Variants in CEPT1 observed in about 807,000 individuals in gnomAD.
The protein encoded by CEPT1 is choline/ethanolamine phosphotransferase 1.
Under a neutral mutation model 42.6 loss-of-function variants are expected in CEPT1, and 7 were observed. The observed-to-expected ratio is 0.16, with a 90% CI of 0.09 to 0.31. The LOEUF (loss-of-function observed/expected upper bound fraction) is 0.31, where lower values mean the gene tolerates loss of function less well. CEPT1 is among the 10% of genes least tolerant of loss of function. CEPT1 has a pLI of 1.00. For missense variants in CEPT1, 306 were observed against 502.1 expected, an observed-to-expected ratio of 0.61 and a Z score of 3.73; for synonymous variants, 171 against 171.9, an observed-to-expected ratio of 0.99 and a Z score of 0.04.
At chr1:111,154,554 G>C (rs576740826) in intron 2 of CEPT1, among the ~76,000 whole-genome samples, 1 of 152,168 alleles carries the variant, frequency 6.6e-6, no homozygotes, top group Non-Finnish European at 1.5e-5. Flanking sequence ...GGGCATCCTT[G>C]TCTGGTTCTA....
intron 3 of CEPT1, 27 bp downstream of exon 3, chr1:111,159,554 G>A: frequency 6.3e-7 from 1 of 1,580,810 alleles, no homozygotes; most frequent in Non-Finnish European, 8.6e-7. Flanking sequence ...TAATGTTATT[G>A]ATTATTAACA....
chr1:111,169,711 C>T (rs550683832), intron 4 of CEPT1, among the ~76,000 whole-genome samples: 6 of 151,774 alleles, frequency 4.0e-5, no homozygotes, highest in Non-Finnish European at 5.9e-5. Context: ...TATGAAGTTT[C>T]GAAAAAAACT....
At chr1:111,175,471 C>G (rs1265476549) in intron 5 of CEPT1, among the ~76,000 whole-genome samples, 5 of 152,068 alleles carry the variant, frequency 3.3e-5, no homozygotes, top group Non-Finnish European at 7.4e-5. Flanking sequence ...GTCACTCTTA[C>G]AAACACAGAT....
intron 2 of CEPT1, among the ~76,000 whole-genome samples, chr1:111,152,390 C>A (rs572392730): frequency 6.6e-6 from 1 of 152,030 alleles, no homozygotes; most frequent in African/African-American, 2.4e-5. Context: ...AAAGTAAAAT[C>A]TTCCCTTTTT....
At chr1:111,156,552 A>G (rs1413285227) in intron 2 of CEPT1, among the ~76,000 whole-genome samples, 2 of 152,152 alleles carry the variant, frequency 1.3e-5, no homozygotes, top group Admixed American at 1.3e-4. Flanking sequence ...TAAAACACTA[A>G]CGATAGCTGA....
intron 2 of CEPT1, among the ~76,000 whole-genome samples, chr1:111,159,020 TCTC>T (rs1655731164): frequency 6.9e-6 from 1 of 144,572 alleles, no homozygotes; most frequent in East Asian, 2.1e-4. Flanking sequence ...TTCACGCCAT[TCTC>T]CTGCCTCAGC....
intron 5 of CEPT1, among the ~76,000 whole-genome samples, chr1:111,175,896 CAAAG>C (rs1656654389): frequency 6.6e-6 from 1 of 152,036 alleles, no homozygotes; most frequent in Non-Finnish European, 1.5e-5. Flanking sequence ...GAAATCTTAA[CAAAG>C]AAAAGATTTA....
chr1:111,175,583 T>TTAATCATG (rs1362431602), intron 5 of CEPT1, among the ~76,000 whole-genome samples: 2 of 152,230 alleles, frequency 1.3e-5, no homozygotes, highest in Admixed American at 6.5e-5. Flanking sequence ...CATGGCCTAC[T>TTAATCATG]GTGTGAACTT....
intron 2 of CEPT1, among the ~76,000 whole-genome samples, chr1:111,158,858 G>A (rs940088661): frequency 6.9e-6 from 1 of 144,608 alleles, no homozygotes. Flanking sequence ...TCTAGCATCT[G>A]CCTGAACACC....
At chr1:111,163,883 T>C (rs1488029350) in intron 4 of CEPT1, among the ~76,000 whole-genome samples, 1 of 152,168 alleles carries the variant, frequency 6.6e-6, no homozygotes, top group Non-Finnish European at 1.5e-5. Context: ...CTTACTGTTT[T>C]CTAGAAAAAA....
intron 2 of CEPT1, among the ~76,000 whole-genome samples, chr1:111,152,987 C>T (rs979263071): frequency 2.6e-5 from 4 of 152,178 alleles, no homozygotes; most frequent in South Asian, 4.1e-4. Context: ...ATTCCAGATC[C>T]TCTCTTCTAG....
At position 111,140,276 on chromosome 1, in the gene CEPT1, A is replaced by G. The variant is rs891601961; in HGVS notation, c.-105A>G. On this transcript the variant is annotated 5_prime_UTR_variant, in exon 1 of 9. Transcript: ENST00000357172. Reference sequence around the variant, plus strand: ...ACCCAGTCGGCTGGAGTCGGAGGCGATATTTCTAGGGGTGTACTTGTTGGG... The same window carrying G: ...ACCCAGTCGGCTGGAGTCGGAGGCGGTATTTCTAGGGGTGTACTTGTTGGG... 2 of 152,326 alleles carry G rather than the reference A, an allele frequency of 1.3e-5. No individual in the cohort carries two copies. The highest frequency in any genetic ancestry group is 1.3e-4 in the Admixed American group (2 of 15,288). 9.4% of individuals were successfully genotyped at this position (152,326 alleles called of 1,614,324 possible).
chr1:111,167,672 C>G, intron 4 of CEPT1: 1 of 981,554 alleles, frequency 1.0e-6, no homozygotes, highest in Non-Finnish European at 1.2e-6. Flanking sequence ...CTTGAGTTTA[C>G]AGCAGTCTTG....
intron 4 of CEPT1, among the ~76,000 whole-genome samples, chr1:111,163,721 C>T (rs893226976): frequency 6.6e-6 from 1 of 152,102 alleles, no homozygotes; most frequent in Non-Finnish European, 1.5e-5. Context: ...TACATAGAAT[C>T]TATAGAATAC....
intron 5 of CEPT1, chr1:111,180,698 A>T (rs1193674318): frequency 2.0e-5 from 3 of 152,228 alleles, no homozygotes; most frequent in Non-Finnish European, 2.9e-5. Context: ...AGTTATCTCA[A>T]CAAAGTGAGT....
Position 111,184,431 on chromosome 1 carries a change from T to C in CEPT1, c.*121T>C. On this transcript the variant is annotated 3_prime_UTR_variant, in exon 9 of 9. Coordinates refer to ENST00000357172, the MANE Select transcript of CEPT1 (RefSeq NM_006090.5). ...AATAATCAATGTTGTATAACTTTTA[T>C]TCTTTATTATTGGTAACACGCCCTA... 1.4e-6 allele frequency: 1 copy of C among 729,910 alleles called. No homozygotes were observed. Among genetic ancestry groups the C allele is most frequent in the Non-Finnish European group, 2.1e-6 (1 of 484,762 alleles). 45.2% of individuals were successfully genotyped at this position (729,910 alleles called of 1,614,324 possible).
intron 3 of CEPT1, chr1:111,160,556 C>T (rs1655813636): frequency 6.6e-6 from 1 of 152,582 alleles, no homozygotes; most frequent in South Asian, 2.1e-4. Flanking sequence ...TCAAGAAATA[C>T]TCAAAACTTC....
chr1:111,141,602 G>A (rs908337414), intron 1 of CEPT1, among the ~76,000 whole-genome samples: 1 of 152,130 alleles, frequency 6.6e-6, no homozygotes, highest in Non-Finnish European at 1.5e-5. Flanking sequence ...TATGTTGTGT[G>A]TGTGTGTTTT....
At chr1:111,179,172 C>T (rs559198428) in intron 5 of CEPT1, 2 of 152,174 alleles carry the variant, frequency 1.3e-5, no homozygotes, top group Non-Finnish European at 2.9e-5. Flanking sequence ...AACCAAAAAA[C>T]ATGACCTTTG....
Sources: allele counts gnomAD v4.1 joint callset (sites outside exome capture counted in the v4.1 genomes callset), GRCh38; gene constraint gnomAD v4.1.1; transcripts MANE v1.5; gene names NCBI Gene and HGNC (gene_info 2026-07-23, HGNC 2026-07-21).